The following CSMD1 variants were observed in gnomAD, a reference collection of about 807,000 sequenced individuals.
CSMD1 encodes CUB and sushi domain-containing protein 1.
In CSMD1, 213 loss-of-function variants were observed where a neutral mutation model predicts 417.5. The observed-to-expected ratio is 0.51, with a 90% CI of 0.46 to 0.57. The LOEUF is 0.57. Among genes scored for constraint, CSMD1 ranks in the 20% least tolerant of loss-of-function variants. CSMD1 has a pLI of 0.00. For missense variants in CSMD1, 6,923 were observed against 4,529.7 expected, an observed-to-expected ratio of 1.53 and a Z score of -15.17; for synonymous variants, 2,862 against 1,736.8, an observed-to-expected ratio of 1.65 and a Z score of -16.11.
intron 3 of CSMD1, among the ~76,000 whole-genome samples, chr8:4,217,808 G>A (rs555369926): frequency 6.6e-5 from 10 of 152,212 alleles, no homozygotes; most frequent in African/African-American, 1.9e-4. Flanking sequence ...GTATGAGGTC[G>A]ATCACCCTCT....
chr8:4,584,876 T>C (rs1799621725), intron 2 of CSMD1, among the ~76,000 whole-genome samples: 1 of 152,146 alleles, frequency 6.6e-6, no homozygotes, highest in African/African-American at 2.4e-5. Flanking sequence ...TTGGATCAAC[T>C]GTGGATTGCA....
chr8:3,545,265 A>C (rs1446173000), intron 10 of CSMD1, among the ~76,000 whole-genome samples: 1 of 152,212 alleles, frequency 6.6e-6, no homozygotes, highest in African/African-American at 2.4e-5. Flanking sequence ...TCTGATTTAA[A>C]GAAGGACATG....
chr8:4,020,057 G>T (rs993369457), intron 4 of CSMD1, among the ~76,000 whole-genome samples: 5 of 152,168 alleles, frequency 3.3e-5, no homozygotes, highest in African/African-American at 1.2e-4. Flanking sequence ...GAGTGGAAGG[G>T]AGAGGAGATA....
At chr8:4,507,072 G>C (rs1027154185) in intron 2 of CSMD1, among the ~76,000 whole-genome samples, 5 of 151,974 alleles carry the variant, frequency 3.3e-5, no homozygotes, top group African/African-American at 1.2e-4. Flanking sequence ...ATTTAGTAAT[G>C]CTTATTGATT....
At chr8:4,241,774 G>C (rs1307573277) in intron 3 of CSMD1, among the ~76,000 whole-genome samples, 1 of 150,762 alleles carries the variant, frequency 6.6e-6, no homozygotes, top group Non-Finnish European at 1.5e-5. Context: ...CGTGATCTCA[G>C]ATGTCTGCTC....
At chr8:4,956,797 G>T (rs1809143114) in intron 1 of CSMD1, among the ~76,000 whole-genome samples, 1 of 152,162 alleles carries the variant, frequency 6.6e-6, no homozygotes. Flanking sequence ...CTTCCACTTA[G>T]ATTTTCTCCT....
At chr8:4,958,404 C>T (rs1809262385) in intron 1 of CSMD1, among the ~76,000 whole-genome samples, 1 of 152,024 alleles carries the variant, frequency 6.6e-6, no homozygotes, top group Non-Finnish European at 1.5e-5. Flanking sequence ...ATTGACATTT[C>T]TTCAAAATGT....
At chr8:4,866,589 A>G (rs566147063) in intron 1 of CSMD1, among the ~76,000 whole-genome samples, 5 of 152,056 alleles carry the variant, frequency 3.3e-5, no homozygotes, top group Admixed American at 6.6e-5. Flanking sequence ...TCTTTCCCCA[A>G]TGACACACAA....
At chr8:4,960,947 T>C (rs961228884) in intron 1 of CSMD1, among the ~76,000 whole-genome samples, 1 of 152,132 alleles carries the variant, frequency 6.6e-6, no homozygotes, top group Non-Finnish European at 1.5e-5. Context: ...TCACTGCACA[T>C]TTTTAAACAA....
At chr8:3,839,657 A>C (rs1802985655) in intron 5 of CSMD1, among the ~76,000 whole-genome samples, 1 of 146,690 alleles carries the variant, frequency 6.8e-6, no homozygotes, top group Admixed American at 7.2e-5. Flanking sequence ...CAACTCAGAA[A>C]AAAAAAAAAA....
In CSMD1 at chr8:4,563,028, A is replaced by G. The variant is rs1475507899; in HGVS notation, c.302+74314T>C. On this transcript the variant is annotated intron_variant, in intron 2 of 69. Coordinates refer to ENST00000635120, the MANE Select transcript of CSMD1 (RefSeq NM_033225.6). Reference sequence around the variant, plus strand: ...CACCATGAAAATTCCGGTGTTTTAAACAGTGTTTTATTTGTATTAACCAAC... The same window carrying G: ...CACCATGAAAATTCCGGTGTTTTAAGCAGTGTTTTATTTGTATTAACCAAC... 5.9e-5 allele frequency among the ~76,000 whole-genome samples: 9 copies of G among 152,304 alleles called. No individual in the cohort carries two copies. The East Asian group carries it at 1.7e-3, about 29-fold the overall frequency.
intron 5 of CSMD1, among the ~76,000 whole-genome samples, chr8:3,946,011 T>C (rs1235622540): frequency 6.6e-6 from 1 of 152,158 alleles, no homozygotes; most frequent in Non-Finnish European, 1.5e-5. Flanking sequence ...ACTTAAATTT[T>C]GCTCATAACA....
At chr8:3,159,093 C>A (rs978898593) in intron 38 of CSMD1, among the ~76,000 whole-genome samples, 2 of 152,156 alleles carry the variant, frequency 1.3e-5, no homozygotes, top group African/African-American at 4.8e-5. Context: ...CCGGCATTGA[C>A]ACTCTCTGTA....
intron 3 of CSMD1, among the ~76,000 whole-genome samples, chr8:4,414,016 C>T (rs1343385355): frequency 6.6e-6 from 1 of 151,948 alleles, no homozygotes; most frequent in Non-Finnish European, 1.5e-5. Context: ...AGCTGCTCTT[C>T]TTGTGCTAGC....
intron 2 of CSMD1, among the ~76,000 whole-genome samples, chr8:4,433,770 G>A (rs1229427376): frequency 6.6e-6 from 1 of 152,048 alleles, no homozygotes; most frequent in African/African-American, 2.4e-5. Context: ...TTTATAGATG[G>A]AGTTTAAAAT....
intron 1 of CSMD1, among the ~76,000 whole-genome samples, chr8:4,926,614 C>T (rs1335155705): frequency 1.3e-5 from 2 of 152,170 alleles, no homozygotes; most frequent in African/African-American, 2.4e-5. Flanking sequence ...GAATAAAAAG[C>T]ATGTATATAG....
intron 11 of CSMD1, among the ~76,000 whole-genome samples, chr8:3,490,979 AG>A (rs1242618578): frequency 7.9e-5 from 12 of 152,310 alleles, no homozygotes; most frequent in Non-Finnish European, 1.6e-4. Context: ...ATAAATTTTC[AG>A]GGGGGATAAT....
intron 7 of CSMD1, among the ~76,000 whole-genome samples, chr8:3,694,239 G>C (rs938806563): frequency 6.6e-6 from 1 of 152,056 alleles, no homozygotes; most frequent in Non-Finnish European, 1.5e-5. Flanking sequence ...CCATAGCTCT[G>C]TCATGGAGTC....
intron 1 of CSMD1, among the ~76,000 whole-genome samples, chr8:4,640,609 T>A (rs976743100): frequency 1.3e-5 from 2 of 152,188 alleles, no homozygotes; most frequent in Non-Finnish European, 1.5e-5. Flanking sequence ...CATCTAAGCT[T>A]AATGTAAATG....
Sources: allele counts gnomAD v4.1 joint callset (sites outside exome capture counted in the v4.1 genomes callset), GRCh38; gene constraint gnomAD v4.1.1; transcripts MANE v1.5; gene names NCBI Gene and HGNC (gene_info 2026-07-23, HGNC 2026-07-21).